CACNA1A: variants seen among roughly 807,000 people sequenced by gnomAD.
CACNA1A encodes the protein voltage-dependent P/Q-type calcium channel subunit alpha-1A.
A neutral mutation model predicts 262.4 loss-of-function variants in CACNA1A; 57 were observed. The ratio of observed to expected loss-of-function variants is 0.22; its 90% CI spans 0.18 to 0.27. CACNA1A has a LOEUF of 0.27. CACNA1A is among the 10% of genes least tolerant of loss of function. CACNA1A has a pLI of 1.00. For missense variants in CACNA1A, 2,526 were observed against 3,562.8 expected, an observed-to-expected ratio of 0.71 and a Z score of 7.41; for synonymous variants, 1,431 against 1,419.3, an observed-to-expected ratio of 1.01 and a Z score of -0.18.
intron 24 of CACNA1A, among the ~76,000 whole-genome samples, chr19:13,266,445 T>A (rs1420341000): frequency 6.6e-6 from 1 of 152,234 alleles, no homozygotes; most frequent in Non-Finnish European, 1.5e-5. Flanking sequence ...ACATCCAGGT[T>A]GCACATGGAA....
At chr19:13,472,867 G>A (rs536372018) in intron 1 of CACNA1A, among the ~76,000 whole-genome samples, 1 of 152,268 alleles carries the variant, frequency 6.6e-6, no homozygotes, top group Admixed American at 6.5e-5. Flanking sequence ...TAGTAAAACG[G>A]CCTCTGCAAG....
At position 13,206,638 on chromosome 19, in the gene CACNA1A, A is replaced by AATC. The variant is rs1555729441; in HGVS notation, c.*672_*674dup. 1 of 153,456 alleles carries AATC rather than the reference A, an allele frequency of 6.5e-6. No individual in the cohort carries two copies. Among genetic ancestry groups the AATC allele is most frequent in the Admixed American group, 6.6e-5 (1 of 15,130 alleles). 9.5% of individuals were successfully genotyped at this position (153,456 alleles called of 1,614,324 possible). On this transcript the variant is annotated 3_prime_UTR_variant, in exon 47 of 47. Coordinates refer to ENST00000360228, the MANE Select transcript of CACNA1A (RefSeq NM_001127222.2). The stretch of plus-strand genomic sequence containing the variant: ...GTCAGAAAAAAATGCCTCTTTTCTC[A>AATC]ATCATTAATTTTTTTGTCCTTTTTA...
intron 1 of CACNA1A, among the ~76,000 whole-genome samples, chr19:13,496,083 T>G (rs56302629): frequency 2.6e-5 from 3 of 116,440 alleles, no homozygotes; most frequent in Non-Finnish European, 4.9e-5. Flanking sequence ...CATCCATCCA[T>G]CCATCCACCC....
chr19:13,209,277 T>C, intron 45 of CACNA1A, 35 bp downstream of exon 45: 1 of 1,439,118 alleles, frequency 6.9e-7, no homozygotes, highest in South Asian at 1.5e-5. Context: ...CTCTCCTCTG[T>C]TCTGCTTGTC....
intron 20 of CACNA1A, among the ~76,000 whole-genome samples, chr19:13,285,952 A>ATTTTTTT (rs74181819): frequency 2.1e-5 from 2 of 95,808 alleles, no homozygotes; most frequent in African/African-American, 4.2e-5. Flanking sequence ...GCAGTTCACC[A>ATTTTTTT]TTTTTTTTTT....
intron 3 of CACNA1A, among the ~76,000 whole-genome samples, chr19:13,405,780 A>G (rs1347653369): frequency 1.3e-5 from 2 of 152,112 alleles, no homozygotes; most frequent in African/African-American, 4.8e-5. Flanking sequence ...TATCATCCTC[A>G]CCATTATAAT....
At chr19:13,220,197 A>G (rs1340891884) in intron 38 of CACNA1A, among the ~76,000 whole-genome samples, 1 of 151,996 alleles carries the variant, frequency 6.6e-6, no homozygotes, top group Non-Finnish European at 1.5e-5. Flanking sequence ...GGAGGCGGAG[A>G]TTGCAGTGAA....
At chr19:13,213,247 A>G (rs2054884012) in intron 40 of CACNA1A, among the ~76,000 whole-genome samples, 1 of 152,146 alleles carries the variant, frequency 6.6e-6, no homozygotes, top group Non-Finnish European at 1.5e-5. Flanking sequence ...GTCCAGCCTC[A>G]GAGCCTTTGC....
In CACNA1A at chr19:13,308,391, A is replaced by G; in HGVS notation, c.1781+25T>C. 1 of 1,575,882 alleles carries G rather than the reference A, an allele frequency of 6.3e-7. No homozygotes were observed. ...TCCCCCATCCCCACCCCCTGTACAA[A>G]TGTCCAGGAACCCCAAAGACTTACT... On this transcript the variant is annotated intron_variant, in intron 13 of 46. Coordinates refer to ENST00000360228, the MANE Select transcript of CACNA1A (RefSeq NM_001127222.2). This position sits in a 1 kb window ranked among gnomAD's most constrained non-coding sequence, Gnocchi z 4.2.
chr19:13,300,802 T>C (rs556255300), intron 17 of CACNA1A, 146 bp from the exon 18 acceptor site: 425 of 696,318 alleles, frequency 6.1e-4, no homozygotes, highest in Middle Eastern at 5.0e-3. Flanking sequence ...GTACCTGCTA[T>C]TGGTTAAGTG....
chr19:13,351,377 T>C (rs749981126), intron 6 of CACNA1A, among the ~76,000 whole-genome samples: 11 of 152,232 alleles, frequency 7.2e-5, no homozygotes, highest in African/African-American at 2.7e-4. Flanking sequence ...GGGGTCTTGC[T>C]GTTGCCCAGG....
rs555161722 is a variant in CACNA1A at position 13,376,435 on chromosome 19, G to A, written c.540-4656C>T. On this transcript the variant is annotated intron_variant, in intron 3 of 46. Coordinates refer to ENST00000360228, the MANE Select transcript of CACNA1A (RefSeq NM_001127222.2). ...TTAAGAATTATGCTGAATCTACTCT[G>A]CCTGTGCTCTATAAATGGAACAATG... Among the ~76,000 whole-genome samples, 4 of 151,960 alleles carry A rather than the reference G, an allele frequency of 2.6e-5. No homozygotes were observed. The East Asian group carries it at 7.7e-4, about 29-fold the overall frequency.
rs1568510929 is a variant in CACNA1A, at chr19:13,300,556, A to G, written c.2273T>C (p.Ile758Thr). Residue 758 changes from isoleucine to threonine, a missense_variant, in exon 18 of 47, where the codon ATA (isoleucine) becomes ACA (threonine). Transcript: ENST00000360228. The stretch of plus-strand genomic sequence containing the variant: ...AGGGATTAGGGGCACTTACACAGCT[A>G]TAGACATGTTGGCCGCGGACAGAGG... ...VSPLSAANMSIAVKEQQKNQK... is the reference protein window; with the variant it reads ...VSPLSAANMSTAVKEQQKNQK... 4 of 1,609,984 alleles carry G rather than the reference A, an allele frequency of 2.5e-6. No individual in the cohort carries two copies. Among genetic ancestry groups the G allele is most frequent in the Non-Finnish European group, 3.4e-6 (4 of 1,176,358 alleles).
At chr19:13,318,486 G>C (rs1313880997) in intron 10 of CACNA1A, among the ~76,000 whole-genome samples, 1 of 152,146 alleles carries the variant, frequency 6.6e-6, no homozygotes, top group African/African-American at 2.4e-5. Context: ...GTTCTGAGTA[G>C]AGGAGGGATG....
In CACNA1A at chr19:13,253,311, C is replaced by G. The variant is rs2056451365; in HGVS notation, c.4756-210G>C. Among the ~76,000 whole-genome samples the G allele has an allele frequency of 3.0e-5, 3 of 100,364 alleles. No individual in the cohort carries two copies. In the South Asian group the frequency reaches 1.0e-3, roughly 35 times the overall value. The allele number at this position is 100,364 out of a possible 152,430, so 65.8% of individuals were successfully genotyped here. A position where few individuals can be genotyped will look rare whatever the true frequency, so the allele number is the denominator to read the frequency against. On this transcript the variant is annotated intron_variant, in intron 29 of 46. Coordinates refer to ENST00000360228, the MANE Select transcript of CACNA1A (RefSeq NM_001127222.2). The stretch of plus-strand genomic sequence containing the variant: ...ACATCCAAAAAAACAAAAACCTCCC[C>G]CAACCTTTTTTTTTTTTTTTTGGTA...
intron 12 of CACNA1A, among the ~76,000 whole-genome samples, chr19:13,312,014 G>A (rs980432166): frequency 2.0e-5 from 3 of 152,086 alleles, no homozygotes; most frequent in African/African-American, 7.2e-5. Flanking sequence ...GTGTCTCCTA[G>A]GTATCTGGGT....
chr19:13,268,399 G>C (rs1361916185), intron 24 of CACNA1A, among the ~76,000 whole-genome samples: 1 of 151,602 alleles, frequency 6.6e-6, no homozygotes, highest in Non-Finnish European at 1.5e-5. Context: ...GGACTCTATG[G>C]AATTTTCCAT....
In CACNA1A at chr19:13,275,855, G is replaced by A. The variant is rs2144833248; in HGVS notation, c.3984C>T (p.Ala1328=). 3 of 1,611,238 alleles carry A rather than the reference G, an allele frequency of 1.9e-6. No homozygotes were observed. The highest frequency in any genetic ancestry group is 1.7e-6 in the Non-Finnish European group (2 of 1,177,388). The part of the protein sequence containing the change: ...IVVSGALVAF[A]FTGNSKGKDI... ...ACCCTTGCGAGGAGACTTACGTGAA[G>A]GCAAAGGCTACCAGGGCCCCACTGA... The change falls in exon 24 of 47, where the codon GCC becomes GCT. Residue 1328 remains alanine (A), a synonymous_variant. Coordinates refer to ENST00000360228, the MANE Select transcript of CACNA1A (RefSeq NM_001127222.2).
intron 10 of CACNA1A, among the ~76,000 whole-genome samples, chr19:13,324,712 T>C (rs28575511): frequency 3.6e-4 from 54 of 151,786 alleles, no homozygotes; most frequent in Middle Eastern, 3.4e-3. Context: ...AACAACAACA[T>C]CAACAACAAC....
Sources: gnomAD v4.1 joint callset for allele counts (sites outside exome capture counted in the v4.1 genomes callset) on GRCh38, gnomAD v4.1.1 for gene constraint, Gnocchi (gnomAD v3.1) non-coding constraint, MANE v1.5 for transcripts, NCBI Gene and HGNC (gene_info 2026-07-23, HGNC 2026-07-21) for gene names.